The following SLC2A9 variants were observed in gnomAD, a reference collection of about 807,000 sequenced individuals.
The protein encoded by SLC2A9 is solute carrier family 2, facilitated glucose transporter member 9.
In SLC2A9, 39 loss-of-function variants were observed where a neutral mutation model predicts 50.6. The ratio of observed to expected loss-of-function variants is 0.77; its 90% CI spans 0.60 to 1.01. The LOEUF (loss-of-function observed/expected upper bound fraction) is 1.01, where lower values mean the gene tolerates loss of function less well. Among genes scored for constraint, SLC2A9 ranks in the 50% least tolerant of loss-of-function variants. SLC2A9 has a pLI of 0.00. For synonymous variants in SLC2A9, 324 were observed against 276.9 expected, an observed-to-expected ratio of 1.17 and a Z score of -1.69; for missense variants, 686 against 677.6, an observed-to-expected ratio of 1.01 and a Z score of -0.14.
chr4:10,025,193 C>A (rs540854043), upstream of SLC2A9, among the ~76,000 whole-genome samples: 13 of 152,288 alleles, frequency 8.5e-5, no homozygotes, highest in Non-Finnish European at 1.6e-4. Context: ...GTCACAGTAG[C>A]TTCCACACCC....
chr4:9,776,194 T>C (rs1176135827), downstream of SLC2A9, among the ~76,000 whole-genome samples: 1 of 151,388 alleles, frequency 6.6e-6, no homozygotes, highest in Non-Finnish European at 1.5e-5. Context: ...TTTCTTTTTT[T>C]TTTTTTTTGA....
At chr4:9,995,910 C>T (rs3733586) in intron 3 of SLC2A9, 67,829 of 152,142 alleles carry the variant, frequency 0.45, 16,652 homozygotes, top group South Asian at 0.59. Flanking sequence ...ATTGATGTGA[C>T]GACTCCTCCA....
intron 7 of SLC2A9, among the ~76,000 whole-genome samples, chr4:9,914,171 T>C (rs928850886): frequency 5.3e-5 from 8 of 152,192 alleles, no homozygotes; most frequent in African/African-American, 1.9e-4. Flanking sequence ...TCTGTTTTCC[T>C]TCCAGAGATG....
intron 4 of SLC2A9, among the ~76,000 whole-genome samples, chr4:9,984,941 A>C (rs937848757): frequency 3.5e-4 from 53 of 152,136 alleles, no homozygotes; most frequent in African/African-American, 1.2e-3. Context: ...TGGCGTCATC[A>C]GCACCCACAC....
In SLC2A9 at chr4:9,994,058, C is replaced by T. The variant is rs190862611; in HGVS notation, c.410+2723G>A. On this transcript the variant is annotated intron_variant, in intron 3 of 11. Transcript: ENST00000264784. ...CTGCCATTGCAGTTTCCTCTCCCTC[C>T]CTGAGAATCCCCATGGGAGAGGAAT... 1.8e-3 allele frequency among the ~76,000 whole-genome samples: 273 copies of T among 152,340 alleles called. 1 individual carries two copies. The highest frequency in any genetic ancestry group is 6.2e-3 in the African/African-American group (259 of 41,572).
At chr4:9,851,421 T>G (rs995687401) in intron 10 of SLC2A9, among the ~76,000 whole-genome samples, 1 of 152,118 alleles carries the variant, frequency 6.6e-6, no homozygotes, top group Non-Finnish European at 1.5e-5. Flanking sequence ...CAAAAAACCC[T>G]ATCTAAAGGT....
chr4:9,830,680 T>C (rs1401441), intron 11 of SLC2A9, among the ~76,000 whole-genome samples: 142,103 of 152,278 alleles, frequency 0.93, 66,587 homozygotes, highest in Non-Finnish European at 0.96. Context: ...TTTTATAACT[T>C]GAGTAGAATC....
At chr4:9,861,679 TA>T (rs1731680186) in intron 10 of SLC2A9, among the ~76,000 whole-genome samples, 1 of 148,420 alleles carries the variant, frequency 6.7e-6, no homozygotes, top group South Asian at 2.1e-4. Context: ...GTTTCTGGTA[TA>T]GGGGCTCAAT....
At chr4:9,813,115 T>C (rs1723095475) in intron 3 of SLC2A9, among the ~76,000 whole-genome samples, 1 of 152,322 alleles carries the variant, frequency 6.6e-6, no homozygotes, top group South Asian at 2.1e-4. Context: ...CTTATTCAAG[T>C]AAGAGGCAGT....
upstream of SLC2A9, among the ~76,000 whole-genome samples, chr4:10,022,420 T>C (rs1260606221): frequency 6.6e-6 from 1 of 152,272 alleles, no homozygotes; most frequent in Non-Finnish European, 1.5e-5. Context: ...TGAGGGGACA[T>C]GTCCTGTATT....
intron 10 of SLC2A9, among the ~76,000 whole-genome samples, chr4:9,837,189 C>T (rs1727248437): frequency 6.6e-6 from 1 of 152,210 alleles, no homozygotes; most frequent in African/African-American, 2.4e-5. Context: ...TATTTACTTA[C>T]ATAAGTTAAA....
chr4:9,835,609 T>C (rs1340097529), intron 10 of SLC2A9, among the ~76,000 whole-genome samples: 1 of 152,248 alleles, frequency 6.6e-6, no homozygotes, highest in Non-Finnish European at 1.5e-5. Context: ...AACAATTATT[T>C]ATGTGCTGGG....
chr4:9,932,006 C>A (rs899937772), intron 6 of SLC2A9, among the ~76,000 whole-genome samples: 1 of 71,554 alleles, frequency 1.4e-5, no homozygotes, highest in Non-Finnish European at 2.6e-5. Flanking sequence ...ATATGCCTTG[C>A]CTGACTTGGA....
chr4:9,898,569 A>C (rs1223802072), intron 8 of SLC2A9, among the ~76,000 whole-genome samples: 1 of 152,236 alleles, frequency 6.6e-6, no homozygotes, highest in Admixed American at 6.5e-5. Flanking sequence ...AGCGTCCTAC[A>C]TGAGTTCTTC....
intron 5 of SLC2A9, among the ~76,000 whole-genome samples, chr4:9,961,078 A>G (rs985564575): frequency 5.3e-5 from 8 of 152,228 alleles, no homozygotes; most frequent in East Asian, 1.9e-4. Context: ...TAAGCCTCAG[A>G]GAAGTGAAGT....
chr4:9,959,447 A>G (rs1035362076), intron 5 of SLC2A9, among the ~76,000 whole-genome samples: 5 of 151,892 alleles, frequency 3.3e-5, no homozygotes, highest in African/African-American at 7.3e-5. Context: ...TGATGTCTCA[A>G]TCTTAGACAT....
chr4:9,888,528 G>A (rs1050992455), intron 9 of SLC2A9, among the ~76,000 whole-genome samples: 6 of 152,066 alleles, frequency 3.9e-5, no homozygotes, highest in African/African-American at 1.4e-4. Context: ...CTGGACAGCT[G>A]AGCATTAGAA....
At chr4:9,801,579 T>C (rs1721411205) in intron 3 of SLC2A9, among the ~76,000 whole-genome samples, 1 of 152,020 alleles carries the variant, frequency 6.6e-6, no homozygotes, top group Admixed American at 6.5e-5. Context: ...TTGAGGGTGG[T>C]TCTCGCAGAC....
At chr4:10,032,775 G>A (rs889002540) in intron 1 of SLC2A9, among the ~76,000 whole-genome samples, 4 of 152,122 alleles carry the variant, frequency 2.6e-5, no homozygotes, top group African/African-American at 9.7e-5. Context: ...GACAGGTGAC[G>A]TTTATCCTCT....
Sources: gnomAD v4.1 joint callset for allele counts (sites outside exome capture counted in the v4.1 genomes callset) on GRCh38, gnomAD v4.1.1 for gene constraint, MANE v1.5 for transcripts, NCBI Gene and HGNC (gene_info 2026-07-23, HGNC 2026-07-21) for gene names.